CFAP141: variants seen among roughly 807,000 people sequenced by gnomAD.
CFAP141 encodes cilia and flagella associated protein 141.
At chr1:154,204,968 G>A in the CFAP141 span, among the ~76,000 whole-genome samples, 1 of 149,148 alleles carries the variant, frequency 6.7e-6, no homozygotes, top group Non-Finnish European at 1.5e-5. Flanking sequence ...TGCACCCTCC[G>A]CATCCTAAGT....
chr1:154,205,565 C>G, the CFAP141 span: 3 of 1,607,698 alleles, frequency 1.9e-6, no homozygotes, highest in Non-Finnish European at 2.6e-6. Context: ...AGGTCAAGCT[C>G]AAAGGTAAAG....
At chr1:154,203,108 AAGACTCTGTCTTAGAG>A in the CFAP141 span, among the ~76,000 whole-genome samples, 25 of 138,584 alleles carry the variant, frequency 1.8e-4, no homozygotes, top group Non-Finnish European at 3.6e-4. Context: ...GTGGTGGAGT[AAGACTCTGTCTTAGAG>A]AGACTCTGCC....
chr1:154,205,475 G>T, the CFAP141 span: 1 of 878,878 alleles, frequency 1.1e-6, no homozygotes, highest in African/African-American at 1.6e-5. Context: ...CACCCCTTCC[G>T]CATCTGTTTT....
At chr1:154,200,414 A>G in the CFAP141 span, 1 of 1,597,440 alleles carries the variant, frequency 6.3e-7, no homozygotes, top group Non-Finnish European at 8.5e-7. Context: ...GCAAAGGCAC[A>G]CAGCAGTAGT....
chr1:154,201,122 A>G, the CFAP141 span, among the ~76,000 whole-genome samples: 1 of 151,082 alleles, frequency 6.6e-6, no homozygotes. Flanking sequence ...CATAGGTGTT[A>G]TTTTATTTAT....
the CFAP141 span, chr1:154,199,322 G>A: frequency 1.4e-6 from 1 of 708,844 alleles, no homozygotes. Flanking sequence ...CTGACAGATA[G>A]CAAGATCCAG....
the CFAP141 span, among the ~76,000 whole-genome samples, chr1:154,203,158 T>C: frequency 3.3e-5 from 3 of 90,844 alleles, 1 homozygote; most frequent in Admixed American, 1.4e-4. Flanking sequence ...AAAGTTGTTA[T>C]CTCTGACTGG....
chr1:154,201,419 ACT>A, the CFAP141 span, among the ~76,000 whole-genome samples: 1 of 138,668 alleles, frequency 7.2e-6, no homozygotes, highest in Non-Finnish European at 1.5e-5. Context: ...ACAGAGTCTC[ACT>A]CTGTCACCCA....
At chr1:154,205,544 G>A in the CFAP141 span, 2 of 1,535,292 alleles carry the variant, frequency 1.3e-6, no homozygotes, top group Admixed American at 1.7e-5. Context: ...AGGGAAGACA[G>A]CAGAGTGGAA....
chr1:154,204,706 C>G, the CFAP141 span, among the ~76,000 whole-genome samples: 1 of 151,236 alleles, frequency 6.6e-6, no homozygotes, highest in South Asian at 2.1e-4. Context: ...AGACTACAGG[C>G]ATGCACCACC....
chr1:154,199,356 A>AGGT, the CFAP141 span: 1 of 1,021,030 alleles, frequency 9.8e-7, no homozygotes. Flanking sequence ...AGGAGGTTCA[A>AGGT]GGTGGTAGAG....
the CFAP141 span, among the ~76,000 whole-genome samples, chr1:154,204,402 C>A: frequency 6.6e-6 from 1 of 152,120 alleles, no homozygotes; most frequent in East Asian, 1.9e-4. Flanking sequence ...TTATCAGAAT[C>A]TCCTAGGGTT....
chr1:154,199,510 G>T, the CFAP141 span: 2 of 1,611,924 alleles, frequency 1.2e-6, no homozygotes, highest in South Asian at 1.1e-5. Flanking sequence ...AACAGCTGGT[G>T]CAGGGCAGCT....
the CFAP141 span, among the ~76,000 whole-genome samples, chr1:154,203,209 A>ACTTTG: frequency 3.9e-5 from 2 of 51,852 alleles, no homozygotes; most frequent in Non-Finnish European, 3.7e-5. Flanking sequence ...ATATATATAT[A>ACTTTG]TATATATATA....
the CFAP141 span, among the ~76,000 whole-genome samples, chr1:154,199,876 T>C: frequency 6.6e-6 from 1 of 151,830 alleles, no homozygotes; most frequent in Admixed American, 6.6e-5. Flanking sequence ...AGGCAGTTTT[T>C]TTTGTTTTTT....
At chr1:154,200,354 A>G in the CFAP141 span, 3 of 1,259,726 alleles carry the variant, frequency 2.4e-6, no homozygotes, top group Non-Finnish European at 3.3e-6. Context: ...CTAGAGGCAA[A>G]CAAGATAAAT....
At chr1:154,199,633 G>A in the CFAP141 span, 1 of 758,940 alleles carries the variant, frequency 1.3e-6, no homozygotes, top group South Asian at 2.0e-5. Context: ...TCTTGGAGCT[G>A]GACTTAGCTG....
At chr1:154,201,588 G>A in the CFAP141 span, among the ~76,000 whole-genome samples, 3 of 151,346 alleles carry the variant, frequency 2.0e-5, no homozygotes, top group Admixed American at 6.6e-5. Context: ...AGGTTTCACC[G>A]TGTTGGCCAC....
the CFAP141 span, among the ~76,000 whole-genome samples, chr1:154,201,965 C>T: frequency 6.8e-6 from 1 of 147,576 alleles, no homozygotes; most frequent in African/African-American, 2.5e-5. Flanking sequence ...GAGACAGAGT[C>T]TCACTGTGTC....
Sources: allele counts gnomAD v4.1 joint callset (sites outside exome capture counted in the v4.1 genomes callset), GRCh38; gene constraint gnomAD v4.1.1; transcripts MANE v1.5; gene names NCBI Gene and HGNC (gene_info 2026-07-23, HGNC 2026-07-21).